The following PCSK5 variants were observed in gnomAD, a reference collection of about 807,000 sequenced individuals.
PCSK5 encodes the protein proprotein convertase subtilisin/kexin type 5, also known as prohormone convertase 5.
In PCSK5, 129 loss-of-function variants were observed where a neutral mutation model predicts 233.2. The ratio of observed to expected loss-of-function variants is 0.55; its 90% CI spans 0.48 to 0.64. PCSK5 has a LOEUF of 0.64. PCSK5 is among the 30% of genes least tolerant of loss of function. The pLI, the probability that PCSK5 is intolerant of heterozygous loss-of-function variation, is 0.00. For synonymous variants in PCSK5, 825 were observed against 879.2 expected (o/e 0.94, Z 1.09); for missense variants, 2,076 against 2,430.1 (o/e 0.85, Z 3.06).
chr9:75,990,757 G>T (rs1429988108), intron 3 of PCSK5, among the ~76,000 whole-genome samples: 2 of 152,126 alleles, frequency 1.3e-5, no homozygotes, highest in Admixed American at 1.3e-4. Flanking sequence ...CTGCTCCCTG[G>T]ACATTGGCCT....
At position 75,891,075 on chromosome 9, in the gene PCSK5, C is replaced by CGGCCCGGGGCTGCGAGCTGCGGT; in HGVS notation, c.-94_-93insGAGCTGCGGTGGCCCGGGGCTGC. Reference sequence around the variant, plus strand: ...GATCGCCCGGGGCTGCGAGCTGCGGCGGCCCGGGGCTGCTCGCCGGGCGGC... The same window carrying CGGCCCGGGGCTGCGAGCTGCGGT: ...GATCGCCCGGGGCTGCGAGCTGCGGCGGCCCGGGGCTGCGAGCTGCGGTGGCCCGGGGCTGCTCGCCGGGCGGC... On this transcript the variant is annotated 5_prime_UTR_variant, in exon 1 of 38. Transcript: ENST00000674117. 9.5e-7 allele frequency: 1 copy of CGGCCCGGGGCTGCGAGCTGCGGT among 1,058,004 alleles called. No homozygotes were observed. Among genetic ancestry groups the CGGCCCGGGGCTGCGAGCTGCGGT allele is most frequent in the Non-Finnish European group, 1.2e-6 (1 of 801,286 alleles). 65.5% of individuals were successfully genotyped at this position (1,058,004 alleles called of 1,614,324 possible). A position where few individuals can be genotyped will look rare whatever the true frequency, so the allele number is the denominator to read the frequency against.
chr9:76,163,949 C>T (rs745722400), intron 12 of PCSK5, among the ~76,000 whole-genome samples: 33 of 145,580 alleles, frequency 2.3e-4, no homozygotes, highest in African/African-American at 7.7e-4. Flanking sequence ...ATTTTGGCCT[C>T]GATTGAAAGG....
chr9:76,222,751 G>T (rs1479004789), intron 20 of PCSK5, among the ~76,000 whole-genome samples: 4 of 152,068 alleles, frequency 2.6e-5, no homozygotes, highest in Non-Finnish European at 5.9e-5. Context: ...CATAGTTTGA[G>T]CCTTGCTATA....
chr9:76,355,221 T>C lies in PCSK5; in HGVS notation c.5254+1002T>C, dbSNP rs183337637. The stretch of plus-strand genomic sequence containing the variant: ...GGCGCGGTGGCTCACGCCTGTAATC[T>C]CAGCACTTTGCGGAGCCAAGGAGGG... On this transcript the variant is annotated intron_variant, in intron 37 of 37. Coordinates refer to ENST00000674117, the MANE Select transcript of PCSK5 (RefSeq NM_001372043.1). Among the ~76,000 whole-genome samples, 460 of 152,200 alleles carry C rather than the reference T, an allele frequency of 3.0e-3. 3 individuals carry two copies. Among genetic ancestry groups the C allele is most frequent in the Non-Finnish European group, 5.0e-3 (342 of 68,004 alleles).
chr9:76,287,378 C>T, intron 24 of PCSK5: 1 of 189,678 alleles, frequency 5.3e-6, no homozygotes. Flanking sequence ...GGCTGTCTTC[C>T]ATTCGAGTTA....
chr9:76,263,009 C>CA (rs1161580881), intron 24 of PCSK5, among the ~76,000 whole-genome samples: 1 of 151,856 alleles, frequency 6.6e-6, no homozygotes, highest in African/African-American at 2.4e-5. Context: ...TTTATGCCAC[C>CA]AAAAAACACA....
intron 2 of PCSK5, among the ~76,000 whole-genome samples, chr9:75,964,656 G>A (rs138749788): frequency 1.4e-3 from 217 of 152,298 alleles, no homozygotes; most frequent in Middle Eastern, 3.4e-3. Context: ...ATGGGTGAGG[G>A]AATAAAGCCC....
intron 8 of PCSK5, among the ~76,000 whole-genome samples, chr9:76,103,703 C>T (rs180774326): frequency 2.5e-4 from 38 of 152,308 alleles, no homozygotes; most frequent in African/African-American, 6.3e-4. Flanking sequence ...TCCTGAGAGA[C>T]GCTGAAAATC....
At chr9:76,248,851 A>G (rs1180649190) in intron 24 of PCSK5, among the ~76,000 whole-genome samples, 2 of 152,152 alleles carry the variant, frequency 1.3e-5, no homozygotes, top group African/African-American at 2.4e-5. Context: ...TGGCTTGATC[A>G]TGGCTCCTGA....
At chr9:76,081,504 T>C (rs897567600) in intron 7 of PCSK5, among the ~76,000 whole-genome samples, 4 of 151,902 alleles carry the variant, frequency 2.6e-5, no homozygotes, top group Non-Finnish European at 4.4e-5. Flanking sequence ...AATAAATAAA[T>C]ACATAAAAGC....
chr9:76,066,201 G>T (rs1216037448), intron 5 of PCSK5, among the ~76,000 whole-genome samples: 1 of 152,092 alleles, frequency 6.6e-6, no homozygotes, highest in African/African-American at 2.4e-5. Context: ...GGATTGCATT[G>T]AATCTGTAGA....
chr9:76,358,936 C>G lies in PCSK5; in HGVS notation c.*14C>G, dbSNP rs777436525. 6.2e-7 allele frequency: 1 copy of G among 1,604,572 alleles called. No individual in the cohort carries two copies. The highest frequency in any genetic ancestry group is 8.5e-7 in the Non-Finnish European group (1 of 1,174,158). ...TACTACCAGTAAACAGGCACTCCCC[C>G]ACCAACACCACCATTCCACTCTCAG... On this transcript the variant is annotated 3_prime_UTR_variant, in exon 38 of 38. Transcript: ENST00000674117.
Position 76,332,630 on chromosome 9 carries a change from TC to T in PCSK5, c.4748+25del. 1 of 1,523,518 alleles carries T rather than the reference TC, an allele frequency of 6.6e-7. No homozygotes were observed. Among genetic ancestry groups the T allele is most frequent in the Non-Finnish European group, 8.9e-7 (1 of 1,124,500 alleles). 94.4% of individuals were successfully genotyped at this position (1,523,518 alleles called of 1,614,324 possible). Reference sequence around the variant, plus strand: ...GGAAGGGTAAGTGCTCAATACATTTTCCCCCATGTAATTTCACAGCCACAGC... The same window carrying T: ...GGAAGGGTAAGTGCTCAATACATTTTCCCCATGTAATTTCACAGCCACAGC... On this transcript the variant is annotated intron_variant, in intron 34 of 37. Transcript: ENST00000674117.
rs71372041 is a variant in PCSK5, at chr9:76,046,160, G to GTTTTTTTTTTTTTTTTTTTTTTTT, written c.632+19135_632+19158dup. On this transcript the variant is annotated intron_variant, in intron 5 of 37. Coordinates refer to ENST00000674117, the MANE Select transcript of PCSK5 (RefSeq NM_001372043.1). Reference sequence around the variant, plus strand: ...GCATTAACACATAATTTTTTCTTTTGTTTTTTTTTTTTTTTTTTTTTTTTT... The same window carrying GTTTTTTTTTTTTTTTTTTTTTTTT: ...GCATTAACACATAATTTTTTCTTTTGTTTTTTTTTTTTTTTTTTTTTTTTTTTTTTTTTTTTTTTTTTTTTTTTT... Among the ~76,000 whole-genome samples the GTTTTTTTTTTTTTTTTTTTTTTTT allele has an allele frequency of 1.4e-4, 8 of 58,024 alleles. 2 individuals carry two copies. The highest frequency in any genetic ancestry group is 2.7e-4 in the African/African-American group (4 of 14,714). 38.1% of individuals were successfully genotyped at this position (58,024 alleles called of 152,430 possible).
Position 76,017,750 on chromosome 9 carries a change from A to T in PCSK5, c.412-5988A>T, listed in dbSNP as rs183701659. Among the ~76,000 whole-genome samples the T allele has an allele frequency of 9.6e-4, 145 of 151,536 alleles. 1 individual carries two copies. The highest frequency in any genetic ancestry group is 3.3e-3 in the African/African-American group (136 of 41,340). Reference sequence around the variant, plus strand: ...TGTCTGGGGGCAATTGTGTGTGTGTATGTGTGTGTGTGTGATAACTAAGGA... The same window carrying T: ...TGTCTGGGGGCAATTGTGTGTGTGTTTGTGTGTGTGTGTGATAACTAAGGA... On this transcript the variant is annotated intron_variant, in intron 3 of 37. Transcript: ENST00000674117.
At chr9:76,184,866 C>T (rs1824031362) in intron 17 of PCSK5, 109 bp downstream of exon 17, 2 of 613,348 alleles carry the variant, frequency 3.3e-6, no homozygotes, top group South Asian at 2.3e-5. Context: ...TATGATCTAC[C>T]CTGGGTTTGA....
intron 8 of PCSK5, among the ~76,000 whole-genome samples, chr9:76,097,414 C>T (rs1033533565): frequency 4.9e-5 from 7 of 144,312 alleles, no homozygotes; most frequent in East Asian, 4.1e-4. Flanking sequence ...CGCCCGCCAC[C>T]GCGCCCGGCT....
intron 2 of PCSK5, among the ~76,000 whole-genome samples, chr9:75,951,538 T>G (rs2131324819): frequency 6.6e-6 from 1 of 152,336 alleles, no homozygotes; most frequent in African/African-American, 2.4e-5. Flanking sequence ...ATATGTTAGA[T>G]GCTTCAAAAG....
At chr9:76,048,898 C>T (rs1422098357) in intron 5 of PCSK5, among the ~76,000 whole-genome samples, 3 of 152,064 alleles carry the variant, frequency 2.0e-5, no homozygotes, top group African/African-American at 7.2e-5. Flanking sequence ...AATTCAGTGT[C>T]AATATAAAAT....
Sources: allele counts gnomAD v4.1 joint callset (sites outside exome capture counted in the v4.1 genomes callset), GRCh38; gene constraint gnomAD v4.1.1; transcripts MANE v1.5; gene names NCBI Gene and HGNC (gene_info 2026-07-23, HGNC 2026-07-21).